The following RPS6KA5 variants were observed in gnomAD, a reference collection of about 807,000 sequenced individuals.
The protein encoded by RPS6KA5 is ribosomal protein S6 kinase A5.
In RPS6KA5, 27 loss-of-function variants were observed where a neutral mutation model predicts 85.5. That is an observed-to-expected ratio of 0.32 (90% CI 0.23 to 0.44). The LOEUF (loss-of-function observed/expected upper bound fraction) is 0.44, where lower values mean the gene tolerates loss of function less well. Among genes scored for constraint, RPS6KA5 ranks in the 20% least tolerant of loss-of-function variants. The probability of loss-of-function intolerance (pLI) is 1.00; values close to 1 mark genes in which losing one functional copy is unlikely to be tolerated. For synonymous variants in RPS6KA5, 334 were observed against 348.2 expected (o/e 0.96, Z 0.46); for missense variants, 811 against 980.9 (o/e 0.83, Z 2.31).
chr14:90,897,414 T>C (rs957788864), intron 12 of RPS6KA5, among the ~76,000 whole-genome samples: 1 of 152,178 alleles, frequency 6.6e-6, no homozygotes, highest in African/African-American at 2.4e-5. Context: ...AGCAAACTCA[T>C]GGAGTACGTG....
At chr14:90,961,306 T>C (rs2038783401) in intron 3 of RPS6KA5, among the ~76,000 whole-genome samples, 1 of 152,214 alleles carries the variant, frequency 6.6e-6, no homozygotes, top group Non-Finnish European at 1.5e-5. Context: ...AAGTCAATTT[T>C]CCAGAGTTGT....
At chr14:91,053,793 A>G (rs1020317826) in intron 1 of RPS6KA5, among the ~76,000 whole-genome samples, 2 of 152,232 alleles carry the variant, frequency 1.3e-5, no homozygotes, top group Non-Finnish European at 2.9e-5. Context: ...TAAAAATTCA[A>G]TGAGATCCCT....
chr14:90,961,262 G>C (rs1453059548), intron 3 of RPS6KA5, among the ~76,000 whole-genome samples: 2 of 152,166 alleles, frequency 1.3e-5, no homozygotes, highest in Admixed American at 1.3e-4. Flanking sequence ...GAGAAAATAG[G>C]AATCTCCAGA....
intron 3 of RPS6KA5, among the ~76,000 whole-genome samples, chr14:90,976,052 G>A (rs1258558509): frequency 6.6e-6 from 1 of 151,838 alleles, no homozygotes; most frequent in East Asian, 1.9e-4. Context: ...AGCCAATAAC[G>A]AAAAAGCAAC....
intron 7 of RPS6KA5, among the ~76,000 whole-genome samples, chr14:90,909,338 A>T: frequency 6.6e-6 from 1 of 152,216 alleles, no homozygotes; most frequent in Admixed American, 6.5e-5. Context: ...TGGATCTGGG[A>T]AACTCCAGAA....
chr14:90,963,253 T>A (rs1366498952), intron 3 of RPS6KA5, among the ~76,000 whole-genome samples: 1 of 152,222 alleles, frequency 6.6e-6, no homozygotes, highest in Non-Finnish European at 1.5e-5. Context: ...TAAAATGATG[T>A]TACCCTCACT....
At chr14:90,940,211 G>A (rs573993938) in intron 5 of RPS6KA5, among the ~76,000 whole-genome samples, 1 of 152,302 alleles carries the variant, frequency 6.6e-6, no homozygotes, top group African/African-American at 2.4e-5. Context: ...AAGCTTAATA[G>A]TAATGTTAAA....
At chr14:90,900,573 C>A in intron 10 of RPS6KA5, 38 bp downstream of exon 10, 2 of 1,586,972 alleles carry the variant, frequency 1.3e-6, no homozygotes, top group Non-Finnish European at 1.7e-6. Context: ...ACTCACAAAA[C>A]CTACAAATAT....
intron 1 of RPS6KA5, among the ~76,000 whole-genome samples, chr14:91,055,843 T>TG (rs976133870): frequency 7.9e-5 from 12 of 152,332 alleles, no homozygotes; most frequent in African/African-American, 2.9e-4. Context: ...CACTTGTTTT[T>TG]GGGGAAACCA....
chr14:90,966,129 G>A (rs955687245), intron 3 of RPS6KA5, among the ~76,000 whole-genome samples: 6 of 152,196 alleles, frequency 3.9e-5, no homozygotes, highest in African/African-American at 7.2e-5. Context: ...GGGAAACTAC[G>A]TCTGATGAAT....
chr14:90,919,210 G>A (rs1171758662), intron 7 of RPS6KA5, among the ~76,000 whole-genome samples: 1 of 152,088 alleles, frequency 6.6e-6, no homozygotes, highest in Non-Finnish European at 1.5e-5. Context: ...TCCACCTCCT[G>A]AACTGCGTCT....
intron 1 of RPS6KA5, among the ~76,000 whole-genome samples, chr14:91,050,148 C>T (rs2043015698): frequency 6.6e-6 from 1 of 152,126 alleles, no homozygotes; most frequent in African/African-American, 2.4e-5. Context: ...GAGGCTGAGG[C>T]AGGAGGATTG....
chr14:90,996,192 TG>T (rs981488157), intron 2 of RPS6KA5, among the ~76,000 whole-genome samples: 1 of 151,092 alleles, frequency 6.6e-6, no homozygotes, highest in African/African-American at 2.5e-5. Flanking sequence ...TTGTTTTTTT[TG>T]TTTTTTTTTT....
chr14:90,849,091 G>T lies in RPS6KA5; in HGVS notation c.*22983C>A, dbSNP rs537265433. On this transcript the variant is annotated 3_prime_UTR_variant, in exon 17 of 17. Coordinates refer to ENST00000614987, the MANE Select transcript of RPS6KA5 (RefSeq NM_004755.4). ...CAAGCAAATTTCTGCAAATAGAAGC[G>T]TTCACCCCACAGATGAGAAAAGGGG... The T allele has an allele frequency of 6.6e-6, 1 of 152,180 alleles. No individual in the cohort carries two copies. Among genetic ancestry groups the T allele is most frequent in the Non-Finnish European group, 1.5e-5 (1 of 68,062 alleles). The allele number at this position is 152,180 out of a possible 1,614,324, so 9.4% of individuals were successfully genotyped here. A position where few individuals can be genotyped will look rare whatever the true frequency, so the allele number is the denominator to read the frequency against.
intron 3 of RPS6KA5, among the ~76,000 whole-genome samples, chr14:90,963,709 C>T (rs1181692091): frequency 1.3e-5 from 2 of 152,150 alleles, no homozygotes; most frequent in Non-Finnish European, 2.9e-5. Flanking sequence ...TCCATTTAAG[C>T]CAATCAACTC....
chr14:90,982,141 T>C (rs976839279), intron 2 of RPS6KA5, among the ~76,000 whole-genome samples: 2 of 152,250 alleles, frequency 1.3e-5, no homozygotes, highest in Non-Finnish European at 2.9e-5. Flanking sequence ...TTCTTTTAGT[T>C]TGCAACTGGA....
In RPS6KA5 at chr14:90,869,189, A is replaced by AATTTTT. The variant is rs1397706359; in HGVS notation, c.*2879_*2884dup. ...CTCCCATGAGCCACCATGCTCAGCT[A>AATTTTT]ATTTTTATTTTTATTTTTGGAGAGA... On this transcript the variant is annotated 3_prime_UTR_variant, in exon 17 of 17. Transcript: ENST00000614987. 6.6e-6 allele frequency: 1 copy of AATTTTT among 152,022 alleles called. No individual in the cohort carries two copies. Among genetic ancestry groups the AATTTTT allele is most frequent in the Non-Finnish European group, 1.5e-5 (1 of 68,040 alleles). 9.4% of individuals were successfully genotyped at this position (152,022 alleles called of 1,614,324 possible).
At chr14:90,959,578 G>A (rs560807775) in intron 3 of RPS6KA5, among the ~76,000 whole-genome samples, 9 of 152,064 alleles carry the variant, frequency 5.9e-5, no homozygotes, top group Non-Finnish European at 1.3e-4. Flanking sequence ...GGTTTGGAAG[G>A]GGCTATCCAG....
intron 2 of RPS6KA5, among the ~76,000 whole-genome samples, chr14:90,988,318 T>G (rs2040147435): frequency 6.6e-6 from 1 of 152,240 alleles, no homozygotes; most frequent in Non-Finnish European, 1.5e-5. Context: ...TCAGCTCTTT[T>G]AGAAGCTGAA....
Sources: gnomAD v4.1 joint callset for allele counts (sites outside exome capture counted in the v4.1 genomes callset) on GRCh38, gnomAD v4.1.1 for gene constraint, MANE v1.5 for transcripts, NCBI Gene and HGNC (gene_info 2026-07-23, HGNC 2026-07-21) for gene names.